Variants in CSGALNACT1 observed in about 807,000 individuals in gnomAD.
The protein encoded by CSGALNACT1 is beta4GalNAcT-1.
A neutral mutation model predicts 51.0 loss-of-function variants in CSGALNACT1; 52 were observed. The observed-to-expected ratio is 1.02, with a 90% CI of 0.82 to 1.29. The LOEUF is 1.29. Ranked by LOEUF, CSGALNACT1 falls within the 50% of genes most tolerant of loss-of-function variation. CSGALNACT1 has a pLI of 0.00. For synonymous variants in CSGALNACT1, 341 were observed against 254.4 expected, an observed-to-expected ratio of 1.34 and a Z score of -3.24; for missense variants, 935 against 679.2, an observed-to-expected ratio of 1.38 and a Z score of -4.19.
At chr8:19,662,552 A>G (rs536838337) in intron 1 of CSGALNACT1, among the ~76,000 whole-genome samples, 1 of 152,334 alleles carries the variant, frequency 6.6e-6, no homozygotes, top group Admixed American at 6.5e-5. Flanking sequence ...ATAGTTAACT[A>G]TGCTTTACTA....
chr8:19,491,551 A>G (rs990997104), intron 4 of CSGALNACT1, among the ~76,000 whole-genome samples: 1 of 152,312 alleles, frequency 6.6e-6, no homozygotes, highest in East Asian at 1.9e-4. Context: ...CGTATTTTAC[A>G]TTTGTTTTAA....
intron 3 of CSGALNACT1, among the ~76,000 whole-genome samples, chr8:19,555,273 A>T (rs1007527914): frequency 6.6e-6 from 1 of 152,026 alleles, no homozygotes; most frequent in Admixed American, 6.6e-5. Flanking sequence ...AAAGAAAAAG[A>T]AGGGTCAGTT....
intron 7 of CSGALNACT1, among the ~76,000 whole-genome samples, chr8:19,420,027 T>C (rs765676895): frequency 7.2e-5 from 11 of 152,230 alleles, no homozygotes; most frequent in Non-Finnish European, 1.6e-4. Flanking sequence ...TTACACACAC[T>C]GTCTCGCCTG....
chr8:19,508,826 A>T (rs1338776851), intron 3 of CSGALNACT1, among the ~76,000 whole-genome samples: 1 of 152,270 alleles, frequency 6.6e-6, no homozygotes. Flanking sequence ...CATGTTGGCT[A>T]ACTGAACACT....
At chr8:19,704,398 T>C (rs1161211213) in intron 1 of CSGALNACT1, among the ~76,000 whole-genome samples, 1 of 152,228 alleles carries the variant, frequency 6.6e-6, no homozygotes, top group African/African-American at 2.4e-5. Flanking sequence ...CACCTTAAGA[T>C]GGCTGTGATG....
At chr8:19,520,946 A>G (rs539685031) in intron 3 of CSGALNACT1, among the ~76,000 whole-genome samples, 68 of 152,286 alleles carry the variant, frequency 4.5e-4, no homozygotes, top group Non-Finnish European at 8.1e-4. Flanking sequence ...CTTCTCTACA[A>G]TCTACAGAGG....
intron 3 of CSGALNACT1, among the ~76,000 whole-genome samples, chr8:19,549,175 G>T (rs1342143665): frequency 6.6e-6 from 1 of 151,660 alleles, no homozygotes; most frequent in East Asian, 1.9e-4. Flanking sequence ...TCAGGATTTA[G>T]TTCTCTTACT....
At chr8:19,408,797 T>C (rs1436519399) in intron 8 of CSGALNACT1, 103 bp from the exon 8 acceptor site, 2 of 998,596 alleles carry the variant, frequency 2.0e-6, no homozygotes, top group Admixed American at 3.5e-5. Context: ...GCCCATCCCA[T>C]CACTGATAAA....
At chr8:19,512,355 G>A (rs2078630237) in intron 3 of CSGALNACT1, among the ~76,000 whole-genome samples, 1 of 152,194 alleles carries the variant, frequency 6.6e-6, no homozygotes, top group South Asian at 2.1e-4. Flanking sequence ...GAGCTTGATT[G>A]CAACCCTGAA....
chr8:19,549,656 C>CTTTTTTTTTTTTT (rs542956513), intron 3 of CSGALNACT1, among the ~76,000 whole-genome samples: 1 of 83,466 alleles, frequency 1.2e-5, no homozygotes, highest in Non-Finnish European at 2.3e-5. Flanking sequence ...CAATTTCCTA[C>CTTTTTTTTTTTTT]TTTTTTTTTT....
chr8:19,602,785 C>G (rs2050727806), upstream of CSGALNACT1: 1 of 151,992 alleles, frequency 6.6e-6, no homozygotes, highest in Non-Finnish European at 1.5e-5. Context: ...GCAAAATACT[C>G]TGGAATGAAG....
chr8:19,511,414 C>G (rs1404833724), intron 3 of CSGALNACT1, among the ~76,000 whole-genome samples: 3 of 152,190 alleles, frequency 2.0e-5, no homozygotes, highest in Non-Finnish European at 4.4e-5. Flanking sequence ...GCTGTACCAA[C>G]AGAACATAAA....
chr8:19,438,598 C>A (rs2060780506), intron 6 of CSGALNACT1, among the ~76,000 whole-genome samples: 1 of 152,160 alleles, frequency 6.6e-6, no homozygotes, highest in African/African-American at 2.4e-5. Context: ...CTGTAAAGAG[C>A]CAGACAGTAA....
intron 1 of CSGALNACT1, among the ~76,000 whole-genome samples, chr8:19,668,341 T>TACACACAC (rs111315690): frequency 4.0e-5 from 6 of 150,646 alleles, no homozygotes; most frequent in Non-Finnish European, 5.9e-5. Flanking sequence ...CATGCACGGT[T>TACACACAC]ACACACACAC....
intron 8 of CSGALNACT1, 69 bp from the exon 8 acceptor site, chr8:19,408,763 C>T (rs561316211): frequency 7.4e-7 from 1 of 1,357,838 alleles, no homozygotes; most frequent in East Asian, 2.3e-5. Context: ...TCACAAACTC[C>T]TGTGAGCCAC....
intron 2 of CSGALNACT1, among the ~76,000 whole-genome samples, chr8:19,598,116 A>C (rs2049368193): frequency 6.6e-6 from 1 of 152,214 alleles, no homozygotes; most frequent in African/African-American, 2.4e-5. Flanking sequence ...AGAGAAGGTG[A>C]AGCACAGGCT....
intron 6 of CSGALNACT1, among the ~76,000 whole-genome samples, chr8:19,433,476 AT>A (rs1185350214): frequency 6.6e-6 from 1 of 152,208 alleles, no homozygotes; most frequent in Non-Finnish European, 1.5e-5. Context: ...AAGCTTTTTG[AT>A]TAGTCTATTG....
chr8:19,538,007 C>A (rs1036494363), intron 3 of CSGALNACT1, among the ~76,000 whole-genome samples: 4 of 152,100 alleles, frequency 2.6e-5, no homozygotes, highest in Non-Finnish European at 5.9e-5. Flanking sequence ...GGACTAGCAC[C>A]AACCTTTAGT....
chr8:19,723,312 C>T (rs185194086), intron 1 of CSGALNACT1, among the ~76,000 whole-genome samples: 2 of 152,242 alleles, frequency 1.3e-5, no homozygotes, highest in Admixed American at 6.5e-5. Context: ...AACGTGCTAA[C>T]GAAAGACAAG....
Sources: allele counts gnomAD v4.1 joint callset (sites outside exome capture counted in the v4.1 genomes callset), GRCh38; gene constraint gnomAD v4.1.1; transcripts MANE v1.5; gene names NCBI Gene and HGNC (gene_info 2026-07-23, HGNC 2026-07-21).